The following ARVCF variants were observed in gnomAD, a reference collection of about 807,000 sequenced individuals.
ARVCF encodes the protein ARVCF delta catenin family member, also known as splicing regulator ARVCF.
In ARVCF, 66 loss-of-function variants were observed where a neutral mutation model predicts 90.9. That is an observed-to-expected ratio of 0.73 (90% CI 0.60 to 0.89). The LOEUF is 0.89. Among genes scored for constraint, ARVCF ranks in the 40% least tolerant of loss-of-function variants. The pLI is 0.00. For synonymous variants in ARVCF, 653 were observed against 603.4 expected (o/e 1.08, Z -1.21); for missense variants, 1,469 against 1,382.3 (o/e 1.06, Z -1.00).
intron 3 of ARVCF, 26 bp downstream of exon 3, chr22:19,990,559 C>G (rs1943987357): frequency 1.3e-6 from 2 of 1,583,448 alleles, no homozygotes; most frequent in South Asian, 2.3e-5. Flanking sequence ...GCAATTTTCA[C>G]CCTTCCCAAG....
intron 17 of ARVCF, 55 bp from the exon 18 acceptor site, chr22:19,972,026 A>T (rs1407883208): frequency 1.6e-5 from 23 of 1,479,918 alleles, no homozygotes; most frequent in Middle Eastern, 1.8e-4. Flanking sequence ...GCCCTGTAGG[A>T]GCAGATCTCC....
rs758357457 is a variant in ARVCF, at chr22:19,980,019, C to A, written c.1120G>T (p.Val374Leu). 2.5e-6 allele frequency: 4 copies of A among 1,589,546 alleles called. No homozygotes were observed. The East Asian group carries it at 6.9e-5, about 27-fold the overall frequency. Residue 374 changes from valine to leucine, a missense_variant, in exon 6 of 20, where the codon GTG becomes TTG. Physicochemically the swap from Val to Leu is conservative, Grantham distance 32. Transcript: ENST00000263207. Reference sequence around the variant, plus strand: ...AGGTAGGCGGCCGCATTGGCCTTCACGGGGTCCACGGGGTGCCGCAGCATG... The same window carrying A: ...AGGTAGGCGGCCGCATTGGCCTTCAAGGGGTCCACGGGGTGCCGCAGCATG... ...LAMLRHPVDPVKANAAAYLQH... is the reference protein window; with the variant it reads ...LAMLRHPVDPLKANAAAYLQH...
chr22:19,973,109 CCCTCCA>C lies in ARVCF; in HGVS notation c.2438+4_2438+9del, dbSNP rs757968854. The C allele has an allele frequency of 2.7e-5, 43 of 1,602,506 alleles. No individual in the cohort carries two copies. Among genetic ancestry groups the C allele is most frequent in the Non-Finnish European group, 3.6e-5 (42 of 1,175,810 alleles). Reference sequence around the variant, plus strand: ...CGGCTCCCCAAGCCACCGACCCCGCCCCTCCACACCTGGAGGCCACGAGAGCCACCA... The same window carrying C: ...CGGCTCCCCAAGCCACCGACCCCGCCCACCTGGAGGCCACGAGAGCCACCA... On this transcript the variant is annotated splice_donor_5th_base_variant and intron_variant, in intron 14 of 19. Transcript: ENST00000263207.
chr22:20,012,650 G>C (rs1944878774), intron 1 of ARVCF, among the ~76,000 whole-genome samples: 1 of 152,246 alleles, frequency 6.6e-6, no homozygotes, highest in African/African-American at 2.4e-5. Flanking sequence ...CCATGCCATG[G>C]GACCCCCACA....
Position 19,977,985 on chromosome 22 carries a change from A to T in ARVCF, c.1671T>A (p.Ala557=). Residue 557 remains alanine (A), a synonymous_variant, in exon 8 of 20, where the codon GCT becomes GCA. Coordinates refer to ENST00000263207, the MANE Select transcript of ARVCF (RefSeq NM_001670.3). ...VDALLHALQS[A]VGRKDTDNKS... ...TGTTGTCAGTGTCCTTCCGGCCCAC[A>T]GCCGACTGCAGGGCATGCAGGAGCG... The T allele has an allele frequency of 1.2e-6, 2 of 1,610,632 alleles. No individual in the cohort carries two copies. The highest frequency in any genetic ancestry group is 1.7e-6 in the Non-Finnish European group (2 of 1,178,692).
chr22:20,015,930 AG>A (rs1317025526), intron 1 of ARVCF, among the ~76,000 whole-genome samples: 1 of 151,370 alleles, frequency 6.6e-6, no homozygotes, highest in Non-Finnish European at 1.5e-5. Context: ...TGGAGCTCTC[AG>A]GCCACCTGCC....
Position 19,980,155 on chromosome 22 carries a change from A to C in ARVCF, c.984T>G (p.Pro328=). The C allele has an allele frequency of 6.3e-7, 1 of 1,586,734 alleles. No individual in the cohort carries two copies. The highest frequency in any genetic ancestry group is 1.1e-5 in the South Asian group (1 of 90,258). ...FPMVTAPLAQ[P]ERGSMGSLDR... ...CCAGGCTGCCCATGCTGCCCCGTTCAGGCTGGGCCAGGGGCGCCGTCACCA... is the reference window on the plus strand; with the variant it reads ...CCAGGCTGCCCATGCTGCCCCGTTCCGGCTGGGCCAGGGGCGCCGTCACCA... Residue 328 remains proline (P), a synonymous_variant, in exon 6 of 20, where the codon CCT becomes CCG. Coordinates refer to ENST00000263207, the MANE Select transcript of ARVCF (RefSeq NM_001670.3).
rs1601554107 is a variant in ARVCF at position 19,970,070 on chromosome 22, T to G, written c.*686A>C. Reference sequence around the variant, plus strand: ...CACTGCCGAAGGTCAGTCCCGGAGGTGCTGCCCAGGCTCCAGGCAGATGCG... The same window carrying G: ...CACTGCCGAAGGTCAGTCCCGGAGGGGCTGCCCAGGCTCCAGGCAGATGCG... On this transcript the variant is annotated 3_prime_UTR_variant, in exon 20 of 20. Transcript: ENST00000263207. The G allele has an allele frequency of 1.0e-6, 1 of 985,478 alleles. No individual in the cohort carries two copies. The highest frequency in any genetic ancestry group is 1.2e-6 in the Non-Finnish European group (1 of 829,980). 61.0% of individuals were successfully genotyped at this position (985,478 alleles called of 1,614,324 possible).
chr22:19,997,211 G>A (rs1016384365), intron 2 of ARVCF, among the ~76,000 whole-genome samples: 2 of 152,206 alleles, frequency 1.3e-5, no homozygotes, highest in East Asian at 3.9e-4. Flanking sequence ...GAAGCCTAAG[G>A]TTAGGGCAAG....
At chr22:19,977,153 C>T (rs941980142) in intron 9 of ARVCF, among the ~76,000 whole-genome samples, 18 of 152,224 alleles carry the variant, frequency 1.2e-4, no homozygotes, top group African/African-American at 4.3e-4. Flanking sequence ...AGTAGAAAGA[C>T]TGGGTCTGGG....
intron 5 of ARVCF, chr22:19,980,514 C>T (rs1232842639): frequency 3.1e-5 from 13 of 422,222 alleles, no homozygotes; most frequent in Middle Eastern, 6.0e-4. Flanking sequence ...CTGCTGTCAC[C>T]GGGCAGTTTC....
intron 18 of ARVCF, 105 bp downstream of exon 18, chr22:19,971,781 T>C (rs1030167191): frequency 1.6e-6 from 2 of 1,251,030 alleles, no homozygotes; most frequent in South Asian, 1.2e-5. Context: ...AACCCAGCTG[T>C]ACCCCAGGGC....
chr22:19,992,344 G>A (rs998825633), intron 2 of ARVCF, among the ~76,000 whole-genome samples: 2 of 152,334 alleles, frequency 1.3e-5, no homozygotes, highest in East Asian at 1.9e-4. Flanking sequence ...AGAGCTGGGG[G>A]CCGCCGCCCG....
At chr22:19,987,542 G>A (rs1943862375) in intron 3 of ARVCF, among the ~76,000 whole-genome samples, 1 of 152,090 alleles carries the variant, frequency 6.6e-6, no homozygotes, top group South Asian at 2.1e-4. Flanking sequence ...CCTGCAAAGG[G>A]GGAAACAGTT....
chr22:19,965,470 T>C (rs1310658757), downstream of ARVCF: 1 of 152,140 alleles, frequency 6.6e-6, no homozygotes, highest in Non-Finnish European at 1.5e-5. Context: ...GCCTCCTGAG[T>C]AGCTGGGACT....
rs1034750356 is a variant in ARVCF, at chr22:19,970,088, C to A, written c.*668G>T. ...CCGGAGGTGCTGCCCAGGCTCCAGG[C>A]AGATGCGGCAGCCCCGGCCCCAGCC... On this transcript the variant is annotated 3_prime_UTR_variant, in exon 20 of 20. Transcript: ENST00000263207. 3 of 985,434 alleles carry A rather than the reference C, an allele frequency of 3.0e-6. No individual in the cohort carries two copies. The East Asian group carries it at 3.4e-4, about 112-fold the overall frequency. 61.0% of individuals were successfully genotyped at this position (985,434 alleles called of 1,614,324 possible).
At chr22:20,014,663 T>C (rs1320008244) in intron 1 of ARVCF, among the ~76,000 whole-genome samples, 1 of 152,052 alleles carries the variant, frequency 6.6e-6, no homozygotes, top group Non-Finnish European at 1.5e-5. Flanking sequence ...GGGCCCTGAC[T>C]CCCTATCCCA....
Position 19,972,591 on chromosome 22 carries a change from T to A in ARVCF, c.2641+146A>T, listed in dbSNP as rs1047080875. 5.3e-6 allele frequency: 6 copies of A among 1,137,672 alleles called. No homozygotes were observed. In the African/African-American group the frequency reaches 6.3e-5, roughly 12 times the overall value. 70.5% of individuals were successfully genotyped at this position (1,137,672 alleles called of 1,614,324 possible). ...CAGCGCGGATGCTGTGGGAAGGGAG[T>A]AGCCAAGAGGCAGAGGGCAGGGAAA... On this transcript the variant is annotated intron_variant, in intron 16 of 19. Coordinates refer to ENST00000263207, the MANE Select transcript of ARVCF (RefSeq NM_001670.3).
intron 3 of ARVCF, among the ~76,000 whole-genome samples, chr22:19,982,521 A>T (rs1224271738): frequency 6.6e-6 from 1 of 152,054 alleles, no homozygotes. Flanking sequence ...CACCACCCCT[A>T]GCTGGGACAT....
Sources: gnomAD v4.1 joint callset for allele counts (sites outside exome capture counted in the v4.1 genomes callset) on GRCh38, gnomAD v4.1.1 for gene constraint, MANE v1.5 for transcripts, NCBI Gene and HGNC (gene_info 2026-07-23, HGNC 2026-07-21) for gene names.